The following PALLD variants were observed in gnomAD, a reference collection of about 807,000 sequenced individuals.
The protein encoded by PALLD is palladin.
Under a neutral mutation model 123.5 loss-of-function variants are expected in PALLD, and 61 were observed. The observed-to-expected ratio is 0.49, with a 90% CI of 0.40 to 0.61. The LOEUF (loss-of-function observed/expected upper bound fraction) is 0.61. Among genes scored for constraint, PALLD ranks in the 20% least tolerant of loss-of-function variants. The probability of loss-of-function intolerance (pLI) is 0.00; values close to 1 mark genes in which losing one functional copy is unlikely to be tolerated. For missense variants in PALLD, 1,273 were observed against 1,377.0 expected (o/e 0.92, Z 1.20); for synonymous variants, 465 against 496.4 (o/e 0.94, Z 0.84).
chr4:168,697,411 A>G (rs1159006655), intron 8 of PALLD, among the ~76,000 whole-genome samples: 1 of 152,254 alleles, frequency 6.6e-6, no homozygotes, highest in Non-Finnish European at 1.5e-5. Flanking sequence ...GCTGTGCATC[A>G]GGAATGAAGG....
intron 2 of PALLD, among the ~76,000 whole-genome samples, chr4:168,533,680 T>C (rs1428561617): frequency 6.6e-6 from 1 of 152,054 alleles, no homozygotes; most frequent in Non-Finnish European, 1.5e-5. Flanking sequence ...GGGAGAGATG[T>C]TGACTGGAGA....
At chr4:168,743,099 G>A (rs749404985) in intron 10 of PALLD, among the ~76,000 whole-genome samples, 6 of 152,114 alleles carry the variant, frequency 3.9e-5, no homozygotes, top group African/African-American at 9.7e-5. Flanking sequence ...TTTCTACTGC[G>A]TGATAACTCT....
At chr4:168,563,605 C>T (rs948660538) in intron 2 of PALLD, among the ~76,000 whole-genome samples, 1 of 152,132 alleles carries the variant, frequency 6.6e-6, no homozygotes, top group Non-Finnish European at 1.5e-5. Flanking sequence ...TCAAGTGTGA[C>T]ATTTTAGCAA....
intron 3 of PALLD, among the ~76,000 whole-genome samples, chr4:168,669,592 C>A (rs181930378): frequency 2.0e-5 from 3 of 151,718 alleles, no homozygotes; most frequent in Non-Finnish European, 4.4e-5. Flanking sequence ...AAGCAAGACC[C>A]CATCTCTTAA....
rs1561192799 is a variant in PALLD at position 168,511,909 on chromosome 4, G to C, written c.405G>C (p.Arg135=). Residue 135 remains arginine, a synonymous_variant, in exon 2 of 22, where the codon CGG becomes CGC. Transcript: ENST00000505667. ...TGCTCACCAGGCCCAGCTACATCCG[G>C]AGCCTCCGAAAGGCTGAAAAGCGTG... The part of the protein sequence containing the change: ...SPLLTRPSYI[R]SLRKAEKRGA... The C allele has an allele frequency of 6.2e-7, 1 of 1,614,176 alleles. No individual in the cohort carries two copies. The highest frequency in any genetic ancestry group is 1.7e-5 in the Admixed American group (1 of 60,028).
chr4:168,700,182 G>C (rs1203211900), intron 8 of PALLD: 1 of 158,020 alleles, frequency 6.3e-6, no homozygotes, highest in Non-Finnish European at 1.4e-5. Context: ...TCTTGTCACT[G>C]TTGGATGAAC....
intron 3 of PALLD, among the ~76,000 whole-genome samples, chr4:168,670,797 A>C (rs28577144): frequency 0.12 from 16,042 of 138,638 alleles, 1,700 homozygotes; most frequent in African/African-American, 0.18. Context: ...AACAAAAAAA[A>C]CAAAAAAGCT....
At chr4:168,618,511 A>G (rs1040428828) in intron 2 of PALLD, among the ~76,000 whole-genome samples, 18 of 152,180 alleles carry the variant, frequency 1.2e-4, no homozygotes, top group Non-Finnish European at 2.4e-4. Flanking sequence ...CCAGAATAAT[A>G]TATCGAAGCA....
chr4:168,551,695 A>G (rs1203206748), intron 2 of PALLD, among the ~76,000 whole-genome samples: 1 of 152,132 alleles, frequency 6.6e-6, no homozygotes, highest in Non-Finnish European at 1.5e-5. Flanking sequence ...AAATTAAAAA[A>G]AAAACAAAAC....
intron 2 of PALLD, among the ~76,000 whole-genome samples, chr4:168,614,067 G>A (rs991735354): frequency 2.0e-5 from 3 of 152,198 alleles, no homozygotes; most frequent in Non-Finnish European, 4.4e-5. Context: ...TCCATCAGAT[G>A]TAACTCTGTG....
chr4:168,582,179 G>T (rs1770355798), intron 2 of PALLD, among the ~76,000 whole-genome samples: 1 of 151,944 alleles, frequency 6.6e-6, no homozygotes, highest in Admixed American at 6.6e-5. Context: ...AGTGTGTCCA[G>T]ATTTTTCACC....
intron 2 of PALLD, among the ~76,000 whole-genome samples, chr4:168,623,248 C>T (rs1024612729): frequency 6.6e-6 from 1 of 152,126 alleles, no homozygotes; most frequent in Non-Finnish European, 1.5e-5. Context: ...TGTCAGGCTG[C>T]CCAAGGTACT....
intron 10 of PALLD, among the ~76,000 whole-genome samples, chr4:168,723,452 T>C (rs11132432): frequency 0.19 from 28,534 of 152,056 alleles, 3,089 homozygotes; most frequent in East Asian, 0.45. Flanking sequence ...AAAGCATTTC[T>C]AAGGAAAAGG....
chr4:168,792,576 G>A (rs576223926), intron 10 of PALLD, among the ~76,000 whole-genome samples: 3 of 151,568 alleles, frequency 2.0e-5, no homozygotes, highest in South Asian at 4.2e-4. Flanking sequence ...CCTCCCACTC[G>A]TCAAACTTTC....
In PALLD at chr4:168,740,617, TATGGAAAGTTCTTTTGAAAG is replaced by T. The variant is rs534666745; in HGVS notation, c.1964+28722_1964+28741del. Among the ~76,000 whole-genome samples the T allele has an allele frequency of 2.8e-3, 433 of 152,266 alleles. 4 individuals carry two copies. The highest frequency in any genetic ancestry group is 9.7e-3 in the African/African-American group (404 of 41,550). On this transcript the variant is annotated intron_variant, in intron 10 of 21. Transcript: ENST00000505667. ...TAAAAATTAGAATCAGAGTTGGTGG[TATGGAAAGTTCTTTTGAAAG>T]ATGGAAAGTTCTTTTGAAAGATGGA...
intron 15 of PALLD, among the ~76,000 whole-genome samples, chr4:168,905,798 T>C (rs942147466): frequency 4.7e-5 from 7 of 147,554 alleles, no homozygotes; most frequent in Middle Eastern, 3.5e-3. Flanking sequence ...TTCTTTTTTT[T>C]TTTTTTTTTT....
chr4:168,864,649 A>G lies in PALLD; in HGVS notation c.1965-26273A>G, dbSNP rs181064238. On this transcript the variant is annotated intron_variant, in intron 10 of 21. Transcript: ENST00000505667. Reference sequence around the variant, plus strand: ...TTCCCTAAATGAAGGGCCATCTACTATATAAGTCTTACAGTATAATCATGA... The same window carrying G: ...TTCCCTAAATGAAGGGCCATCTACTGTATAAGTCTTACAGTATAATCATGA... The G allele has an allele frequency of 1.9e-3, 289 of 152,356 alleles. 1 individual carries two copies. Among genetic ancestry groups the G allele is most frequent in the African/African-American group, 6.1e-3 (252 of 41,586 alleles). 9.4% of individuals were successfully genotyped at this position (152,356 alleles called of 1,614,324 possible). A position where few individuals can be genotyped will look rare whatever the true frequency, so the allele number is the denominator to read the frequency against.
At chr4:168,727,552 TA>T (rs1786718055) in intron 10 of PALLD, among the ~76,000 whole-genome samples, 1 of 152,220 alleles carries the variant, frequency 6.6e-6, no homozygotes, top group Non-Finnish European at 1.5e-5. Context: ...GCTCATTTTT[TA>T]AATGGGATTC....
intron 11 of PALLD, 154 bp from the exon 12 acceptor site, chr4:168,894,425 A>T: frequency 1.5e-6 from 1 of 673,246 alleles, no homozygotes; most frequent in Non-Finnish European, 2.7e-6. Context: ...AGAACAACTG[A>T]AGCAAGAAAA....
Sources: allele counts gnomAD v4.1 joint callset (sites outside exome capture counted in the v4.1 genomes callset), GRCh38; gene constraint gnomAD v4.1.1; transcripts MANE v1.5; gene names NCBI Gene and HGNC (gene_info 2026-07-23, HGNC 2026-07-21).